ACOT9: variants seen among roughly 807,000 people sequenced by gnomAD.
ACOT9 encodes acyl-CoA thioesterase 9.
In ACOT9, 34 loss-of-function variants were observed where a neutral mutation model predicts 39.7. The ratio of observed to expected loss-of-function variants is 0.86; its 90% CI spans 0.65 to 1.14. The LOEUF is 1.14. Ranked by LOEUF, ACOT9 falls within the 50% of genes most tolerant of loss-of-function variation. The pLI, the probability that ACOT9 is intolerant of heterozygous loss-of-function variation, is 0.00. For synonymous variants in ACOT9, 110 were observed against 120.5 expected, an observed-to-expected ratio of 0.91 and a Z score of 0.57; for missense variants, 313 against 344.1, an observed-to-expected ratio of 0.91 and a Z score of 0.71.
chrX:23,705,206 G>A, intron 13 of ACOT9, 126 bp from the exon 14 acceptor site: 1 of 634,259 alleles, frequency 1.6e-6, no homozygotes, highest in East Asian at 3.3e-5. Flanking sequence ...AGGGGGAAAA[G>A]ATCCTACCAG....
In ACOT9 at chrX:23,735,936, A is replaced by T. The variant is rs996269447; in HGVS notation, c.101T>A (p.Ile34Asn). The change falls in exon 2 of 16, where the codon ATC becomes AAC. Residue 34 changes from isoleucine (I) to asparagine (N), a missense_variant. By Grantham distance (149) the Ile-to-Asn change is moderately radical. Transcript: ENST00000379303. The part of the protein sequence containing the change: ...QGPQNPKKQG[I>N]FHIHEACSSI... The stretch of plus-strand genomic sequence containing the variant: ...ATGCTTGCCTTCATGAATGTGGAAG[A>T]TTCCCTGTTTCTTGGGGTTCTGGGG... 1 of 1,210,801 alleles carries T rather than the reference A, an allele frequency of 8.3e-7. No homozygotes were observed. Among genetic ancestry groups the T allele is most frequent in the Non-Finnish European group, 1.1e-6 (1 of 894,979 alleles).
chrX:23,715,563 G>A (rs1601808920), intron 8 of ACOT9, among the ~76,000 whole-genome samples: 1 of 109,703 alleles, frequency 9.1e-6, no homozygotes. Context: ...TATGGAGGGG[G>A]GTAACCAAGG....
rs377147990 is a variant in ACOT9 at position 23,735,889 on chromosome X, A to C, written c.118+30T>G. On this transcript the variant is annotated intron_variant, in intron 2 of 15. Transcript: ENST00000379303. ...AAAGTAAAACAAGGTTTTTCACCAC[A>C]TAGGCATCAAACAGAGACACCATGC... 12 of 1,163,768 alleles carry C rather than the reference A, an allele frequency of 1.0e-5. No individual in the cohort carries two copies. In the African/African-American group the frequency reaches 2.1e-4, roughly 21 times the overall value.
intron 8 of ACOT9, among the ~76,000 whole-genome samples, chrX:23,714,017 G>A (rs960864975): frequency 1.8e-5 from 2 of 111,068 alleles, no homozygotes; most frequent in African/African-American, 6.5e-5. Context: ...TAGCCTGGAT[G>A]ACAGAAAACA....
intron 4 of ACOT9, 85 bp from the exon 5 acceptor site, chrX:23,731,071 C>T: frequency 1.2e-6 from 1 of 826,270 alleles, no homozygotes; most frequent in Non-Finnish European, 1.7e-6. Context: ...AAGATACCAT[C>T]AAAGGAGGAA....
At chrX:23,720,049 G>T (rs1434197695) in intron 8 of ACOT9, among the ~76,000 whole-genome samples, 1 of 112,037 alleles carries the variant, frequency 8.9e-6, no homozygotes, top group Non-Finnish European at 1.9e-5. Context: ...TAGCCAGGAT[G>T]GTCTCGATCT....
rs1406726852 is a variant in ACOT9 at position 23,706,705 on chromosome X, C to T, written c.765G>A (p.Thr255=). Residue 255 remains threonine (T), a synonymous_variant, in exon 11 of 16, where the codon ACG becomes ACA. Coordinates refer to ENST00000379303, the MANE Select transcript of ACOT9 (RefSeq NM_001037171.2). The part of the protein sequence containing the change: ...NKGRRIAFSS[T]SLLKMAPSAE... ...CGCTGGGGGCCATTTTCAGTAACGA[C>T]GTGGAGCTGAAGGCAATTCTTCTCC... 4 of 1,202,944 alleles carry T rather than the reference C, an allele frequency of 3.3e-6. No individual in the cohort carries two copies. The African/African-American group carries it at 5.3e-5, about 16-fold the overall frequency.
chrX:23,733,004 T>C (rs1411853603), intron 4 of ACOT9, among the ~76,000 whole-genome samples, 168 bp downstream of exon 4: 1 of 111,970 alleles, frequency 8.9e-6, no homozygotes, highest in Admixed American at 9.6e-5. Context: ...AGGTGTCATC[T>C]GATGAGTATG....
At chrX:23,738,622 T>G (rs776110122) in intron 1 of ACOT9, among the ~76,000 whole-genome samples, 1 of 111,061 alleles carries the variant, frequency 9.0e-6, no homozygotes, top group East Asian at 2.8e-4. Context: ...GAAACTAGCA[T>G]TCTACAACTG....
At chrX:23,741,115 T>TATA (rs749783031) in intron 1 of ACOT9, among the ~76,000 whole-genome samples, 4 of 108,109 alleles carry the variant, frequency 3.7e-5, no homozygotes, top group East Asian at 5.7e-4. Flanking sequence ...AAACTTAAAG[T>TATA]ATAATAATAA....
At chrX:23,723,932 A>G (rs1047242695) in intron 6 of ACOT9, among the ~76,000 whole-genome samples, 2 of 112,544 alleles carry the variant, frequency 1.8e-5, no homozygotes, top group African/African-American at 6.5e-5. Flanking sequence ...TCAGTTTTCT[A>G]GCTTGCATAG....
intron 4 of ACOT9, among the ~76,000 whole-genome samples, chrX:23,731,468 C>T (rs1410636593): frequency 1.6e-5 from 1 of 63,095 alleles, no homozygotes; most frequent in Non-Finnish European, 2.5e-5. Flanking sequence ...CAGAGCAAGA[C>T]TGTCTCAAAA....
chrX:23,740,771 A>G (rs1171587129), intron 1 of ACOT9, among the ~76,000 whole-genome samples: 1 of 102,393 alleles, frequency 9.8e-6, no homozygotes, highest in Non-Finnish European at 2.0e-5. Context: ...CACCGCACTG[A>G]GGTGGAGGAG....
chrX:23,727,681 T>TTAACAA (rs1295894581), intron 6 of ACOT9, among the ~76,000 whole-genome samples: 5 of 109,356 alleles, frequency 4.6e-5, no homozygotes, highest in Admixed American at 2.0e-4. Flanking sequence ...AGGCGTAAGC[T>TTAACAA]TAACAACAAG....
chrX:23,706,584 C>G (rs764411318), intron 11 of ACOT9, 44 bp downstream of exon 11: 62 of 633,231 alleles, frequency 9.8e-5, no homozygotes, highest in Non-Finnish European at 1.4e-4. Flanking sequence ...AAAAAAAGGC[C>G]AAGGTTTAAA....
intron 8 of ACOT9, among the ~76,000 whole-genome samples, chrX:23,720,819 C>G (rs976030937): frequency 9.9e-5 from 11 of 111,461 alleles, no homozygotes; most frequent in Middle Eastern, 4.6e-3. Context: ...CCGCCAATAC[C>G]AAAATCCACA....
chrX:23,705,234 C>T (rs1324912743), intron 13 of ACOT9, among the ~76,000 whole-genome samples, 154 bp from the exon 14 acceptor site: 1 of 111,607 alleles, frequency 9.0e-6, no homozygotes, highest in African/African-American at 3.3e-5. Context: ...TGGTAAGAGA[C>T]GCCATCGTGA....
chrX:23,737,374 T>C (rs759908543), intron 1 of ACOT9, among the ~76,000 whole-genome samples: 9 of 111,513 alleles, frequency 8.1e-5, no homozygotes, highest in Non-Finnish European at 1.3e-4. Flanking sequence ...ATACTGTCAC[T>C]CATTCCAGTT....
At chrX:23,737,872 C>CTTTTT (rs761904560) in intron 1 of ACOT9, among the ~76,000 whole-genome samples, 1 of 75,205 alleles carries the variant, frequency 1.3e-5, no homozygotes, top group Non-Finnish European at 2.4e-5. Context: ...TAATATTTGT[C>CTTTTT]TTTTTTTTTT....
Sources: gnomAD v4.1 joint callset for allele counts (sites outside exome capture counted in the v4.1 genomes callset) on GRCh38, gnomAD v4.1.1 for gene constraint, MANE v1.5 for transcripts, NCBI Gene and HGNC (gene_info 2026-07-23, HGNC 2026-07-21) for gene names.